The following MORN1 variants were observed in gnomAD, a reference collection of about 807,000 sequenced individuals.
The protein encoded by MORN1 is MORN repeat-containing protein 1.
A neutral mutation model predicts 61.9 loss-of-function variants in MORN1; 67 were observed. That is an observed-to-expected ratio of 1.08 (90% confidence interval 0.89 to 1.33). The LOEUF (loss-of-function observed/expected upper bound fraction) is 1.33. Ranked by LOEUF, MORN1 falls within the 40% of genes most tolerant of loss-of-function variation. The pLI is 0.00. For synonymous variants in MORN1, 301 were observed against 292.0 expected, an observed-to-expected ratio of 1.03 and a Z score of -0.31; for missense variants, 752 against 691.2, an observed-to-expected ratio of 1.09 and a Z score of -0.99.
At chr1:2,390,752 CTT>C (rs35593344) in intron 1 of MORN1, 461 of 870,592 alleles carry the variant, frequency 5.3e-4, no homozygotes, top group South Asian at 7.3e-4. Context: ...AAAACCTGCT[CTT>C]TTTTTTTTTT....
intron 12 of MORN1, among the ~76,000 whole-genome samples, chr1:2,330,647 C>A (rs1403281094): frequency 6.6e-6 from 1 of 152,218 alleles, no homozygotes; most frequent in African/African-American, 2.4e-5. Context: ...CTTAATTAAG[C>A]CCATTTTTCT....
chr1:2,391,152 C>A (rs1642649543), intron 1 of MORN1, among the ~76,000 whole-genome samples: 1 of 152,176 alleles, frequency 6.6e-6, no homozygotes. Flanking sequence ...CATGGCAACC[C>A]CAGGTCCCGC....
intron 1 of MORN1, 46 bp from the exon 2 acceptor site, chr1:2,390,042 G>A (rs1414686855): frequency 4.5e-6 from 7 of 1,540,760 alleles, no homozygotes; most frequent in Non-Finnish European, 6.3e-6. Flanking sequence ...ACACAGAGAT[G>A]AGGGATGCTC....
At chr1:2,330,623 C>G (rs182280551) in intron 12 of MORN1, among the ~76,000 whole-genome samples, 6 of 152,228 alleles carry the variant, frequency 3.9e-5, no homozygotes, top group Non-Finnish European at 7.3e-5. Flanking sequence ...GATTAAATGA[C>G]TAATCGCAGA....
chr1:2,337,600 G>T lies in MORN1; in HGVS notation c.1037-750C>A, dbSNP rs1641308057. Among the ~76,000 whole-genome samples, 1 of 152,204 alleles carries T rather than the reference G, an allele frequency of 6.6e-6. No homozygotes were observed. Among genetic ancestry groups the T allele is most frequent in the African/African-American group, 2.4e-5 (1 of 41,452 alleles). ...CCCTGCTGTCTCTTTTACAAGGATG[G>T]TCAGTGGCTGAGCCTGAAGGAGATA... On this transcript the variant is annotated intron_variant, in intron 10 of 13. Coordinates refer to ENST00000378531, the MANE Select transcript of MORN1 (RefSeq NM_024848.3). The surrounding 1 kb of genome is among the most constrained non-coding windows in gnomAD (Gnocchi z 5.7).
rs1283691240 is a variant in MORN1, at chr1:2,374,555, T to C, written c.540A>G (p.Gly180=). ...LRCADGSTYK[G]QWHSDVFSGL... The stretch of plus-strand genomic sequence containing the variant: ...CACTGAAGACGTCGCTGTGCCACTG[T>C]CCCTGCAGAGAGAAGGGTGAGGCTC... Residue 180 remains glycine, a splice_region_variant and synonymous_variant, in exon 7 of 14, where the codon GGA becomes GGG. Transcript: ENST00000378531. 10 of 1,586,664 alleles carry C rather than the reference T, an allele frequency of 6.3e-6. 1 individual carries two copies. Among genetic ancestry groups the C allele is most frequent in the Non-Finnish European group, 7.7e-6 (9 of 1,166,872 alleles).
At chr1:2,364,432 T>C (rs560680443) in intron 8 of MORN1, among the ~76,000 whole-genome samples, 2 of 141,410 alleles carry the variant, frequency 1.4e-5, no homozygotes, top group Non-Finnish European at 3.1e-5. Flanking sequence ...TCTTGTAAAT[T>C]TGAGTTCATT....
intron 1 of MORN1, chr1:2,390,484 C>A (rs1019032463): frequency 2.0e-6 from 2 of 985,440 alleles, no homozygotes; most frequent in African/African-American, 3.5e-5. Flanking sequence ...GCCTGGCCGG[C>A]TTCATCTCCT....
chr1:2,390,469 G>A (rs1415884393), intron 1 of MORN1: 1 of 985,324 alleles, frequency 1.0e-6, no homozygotes, highest in African/African-American at 1.7e-5. Context: ...TCATACCCAA[G>A]GATGGCCTGG....
Position 2,332,354 on chromosome 1 carries a change from C to G in MORN1, c.1250+4115G>C, listed in dbSNP as rs748279060. 6 of 341,690 alleles carry G rather than the reference C, an allele frequency of 1.8e-5. No homozygotes were observed. The Admixed American group carries it at 2.4e-4, about 13-fold the overall frequency. The allele number at this position is 341,690 out of a possible 1,614,324, so 21.2% of individuals were successfully genotyped here. A position where few individuals can be genotyped will look rare whatever the true frequency, so the allele number is the denominator to read the frequency against. On this transcript the variant is annotated intron_variant, in intron 12 of 13. Coordinates refer to ENST00000378531, the MANE Select transcript of MORN1 (RefSeq NM_024848.3). ...CTCAGCACACCCTGGTGAGCATAGC[C>G]CGGCCACCCTGACTGTTGCTCACGG...
At chr1:2,371,830 C>T (rs369725467) in intron 8 of MORN1, 16 of 174,448 alleles carry the variant, frequency 9.2e-5, no homozygotes, top group African/African-American at 2.2e-4. Context: ...ATCACTTGAA[C>T]GCGGGAGGCG....
intron 2 of MORN1, among the ~76,000 whole-genome samples, chr1:2,389,284 T>C (rs1181340135): frequency 6.6e-6 from 1 of 152,176 alleles, no homozygotes; most frequent in Non-Finnish European, 1.5e-5. Flanking sequence ...TTTGTTCTGT[T>C]TTGAGACGGA....
At chr1:2,322,582 G>T (rs937460098) in intron 13 of MORN1, 2 of 985,146 alleles carry the variant, frequency 2.0e-6, no homozygotes, top group South Asian at 4.7e-5. Context: ...GTTCTGGGGG[G>T]CCTCGCCAGG....
rs1642554675 is a variant in MORN1, at chr1:2,388,302, A to G, written c.184T>C (p.Tyr62His). Residue 62 changes from tyrosine (Y) to histidine (H), a missense_variant, in exon 3 of 14, where the codon TAC (tyrosine) becomes CAC (histidine). Physicochemically the swap from Tyr to His is moderately conservative, Grantham distance 83 (BLOSUM62 2). Coordinates refer to ENST00000378531, the MANE Select transcript of MORN1 (RefSeq NM_024848.3). The stretch of plus-strand genomic sequence containing the variant: ...TCTCCGTCCACAAACGCCCCTTCGT[A>G]ATAACTGCCATCTTTAAATAACAAC... ...GKLLFKDGSY[Y>H]EGAFVDGEIT... The G allele has an allele frequency of 1.2e-6, 2 of 1,613,878 alleles. No individual in the cohort carries two copies. The highest frequency in any genetic ancestry group is 1.3e-5 in the African/African-American group (1 of 74,912).
chr1:2,338,524 A>C (rs1184436206), intron 10 of MORN1, among the ~76,000 whole-genome samples: 1 of 152,058 alleles, frequency 6.6e-6, no homozygotes, highest in Non-Finnish European at 1.5e-5. Flanking sequence ...TCATGCGGAC[A>C]CCCTCACCCT....
In MORN1 at chr1:2,388,791, AAAAAAAAAAG is replaced by A. The variant is rs1446837338; in HGVS notation, c.149-464_149-455del. 9.3e-5 allele frequency among the ~76,000 whole-genome samples: 14 copies of A among 150,520 alleles called. No individual in the cohort carries two copies. In the South Asian group the frequency reaches 3.0e-3, roughly 32 times the overall value. On this transcript the variant is annotated intron_variant, in intron 2 of 13. Coordinates refer to ENST00000378531, the MANE Select transcript of MORN1 (RefSeq NM_024848.3). ...AGACTGTCTCAAAAAAAAAAAAAAA[AAAAAAAAAAG>A]AGAGAGAGAGAAGAAAACTAGGCAG...
At chr1:2,328,847 G>C (rs1241279151) in intron 12 of MORN1, among the ~76,000 whole-genome samples, 1 of 152,216 alleles carries the variant, frequency 6.6e-6, no homozygotes, top group East Asian at 1.9e-4. Context: ...GCCGGCACCA[G>C]GGAGGCCTCT....
intron 8 of MORN1, among the ~76,000 whole-genome samples, chr1:2,368,517 T>A (rs766458483): frequency 3.3e-5 from 5 of 152,230 alleles, no homozygotes; most frequent in Non-Finnish European, 7.3e-5. Flanking sequence ...ACTGGCATGA[T>A]GCGTTGGTGG....
In MORN1 at chr1:2,357,536, G is replaced by A; in HGVS notation, c.932C>T (p.Ala311Val). The A allele has an allele frequency of 6.2e-7, 1 of 1,612,538 alleles. No individual in the cohort carries two copies. Among genetic ancestry groups the A allele is most frequent in the Non-Finnish European group, 8.5e-7 (1 of 1,179,532 alleles). ...SPAAGVPGPR[A>V]AKGGAEADVP... Reference sequence around the variant, plus strand: ...GTCGGCTTCTGCCCCTCCCTTGGCAGCTCTGGGCCCCGGCACCCCAGCTGC... The same window carrying A: ...GTCGGCTTCTGCCCCTCCCTTGGCAACTCTGGGCCCCGGCACCCCAGCTGC... Residue 311 changes from alanine to valine, a missense_variant, in exon 10 of 14, where the codon GCT (alanine) becomes GTT (valine). Coordinates refer to ENST00000378531, the MANE Select transcript of MORN1 (RefSeq NM_024848.3). This position sits in a 1 kb window ranked among gnomAD's most constrained non-coding sequence, Gnocchi z 6.3.
Sources: gnomAD v4.1 joint callset for allele counts (sites outside exome capture counted in the v4.1 genomes callset) on GRCh38, gnomAD v4.1.1 for gene constraint, Gnocchi (gnomAD v3.1) non-coding constraint, MANE v1.5 for transcripts, NCBI Gene and HGNC (gene_info 2026-07-23, HGNC 2026-07-21) for gene names.